The following PRR5L variants were observed in gnomAD, a reference collection of about 807,000 sequenced individuals.
PRR5L encodes proline-rich protein 5-like.
In PRR5L, 21 loss-of-function variants were observed where a neutral mutation model predicts 36.4. The ratio of observed to expected loss-of-function variants is 0.58; its 90% CI spans 0.41 to 0.83. The LOEUF is 0.83. PRR5L is among the 40% of genes least tolerant of loss of function. PRR5L has a pLI of 0.00. For missense variants in PRR5L, 381 were observed against 473.3 expected (o/e 0.80, Z 1.81); for synonymous variants, 188 against 197.0 (o/e 0.95, Z 0.38).
At chr11:36,441,553 G>C (rs1858723066) in intron 6 of PRR5L, among the ~76,000 whole-genome samples, 1 of 152,224 alleles carries the variant, frequency 6.6e-6, no homozygotes. Flanking sequence ...GATTGGAGTT[G>C]AGTGCCTGTG....
At chr11:36,457,100 A>T (rs1348668062) in intron 8 of PRR5L, among the ~76,000 whole-genome samples, 1 of 152,120 alleles carries the variant, frequency 6.6e-6, no homozygotes, top group African/African-American at 2.4e-5. Flanking sequence ...GTGGGCTGGG[A>T]CCTGCGGAAA....
intron 1 of PRR5L, among the ~76,000 whole-genome samples, chr11:36,332,709 A>G (rs983231998): frequency 1.3e-5 from 2 of 152,034 alleles, no homozygotes; most frequent in East Asian, 1.9e-4. Context: ...TTCTCACTCT[A>G]TTAGTTCATG....
At chr11:36,373,887 C>T (rs1398416147) in intron 1 of PRR5L, among the ~76,000 whole-genome samples, 2 of 152,132 alleles carry the variant, frequency 1.3e-5, no homozygotes. Flanking sequence ...ATTTCTATGT[C>T]ATTTGCTGAG....
chr11:36,393,414 C>A (rs936860066), intron 1 of PRR5L, among the ~76,000 whole-genome samples: 1 of 152,188 alleles, frequency 6.6e-6, no homozygotes, highest in Non-Finnish European at 1.5e-5. Flanking sequence ...GTTTTCCCAG[C>A]ACCATTTATT....
In PRR5L at chr11:36,431,838, G is replaced by T. The variant is rs890308946; in HGVS notation, c.295-15G>T. 7 of 1,613,570 alleles carry T rather than the reference G, an allele frequency of 4.3e-6. No individual in the cohort carries two copies. In the African/African-American group the frequency reaches 6.7e-5, roughly 15 times the overall value. Reference sequence around the variant, plus strand: ...AGTTGTCCAAATTCTTATGTTCTTTGTTCTCTTTTGGCAGAACCAGCTTCT... The same window carrying T: ...AGTTGTCCAAATTCTTATGTTCTTTTTTCTCTTTTGGCAGAACCAGCTTCT... On this transcript the variant is annotated splice_polypyrimidine_tract_variant and intron_variant, in intron 4 of 8. Transcript: ENST00000530639.
chr11:36,368,464 G>A (rs1282911633), intron 1 of PRR5L, among the ~76,000 whole-genome samples: 2 of 152,178 alleles, frequency 1.3e-5, no homozygotes, highest in Non-Finnish European at 2.9e-5. Context: ...CAGCAGAAAA[G>A]CAGAGTTCAC....
intron 1 of PRR5L, among the ~76,000 whole-genome samples, chr11:36,393,287 CT>C (rs1857597191): frequency 1.3e-5 from 2 of 152,094 alleles, no homozygotes; most frequent in African/African-American, 4.8e-5. Context: ...TTCCCTAATG[CT>C]TTCTTTTAGT....
Position 36,452,640 on chromosome 11 carries a change from G to GTC in PRR5L, c.712+1308_712+1309dup, listed in dbSNP as rs569257514. On this transcript the variant is annotated intron_variant, in intron 8 of 8. Transcript: ENST00000530639. Reference sequence around the variant, plus strand: ...TGAGCTGGGGTGCCATGTTGCTGCGGTCTCCCTGGAGTCCACCTTCCTGCT... The same window carrying GTC: ...TGAGCTGGGGTGCCATGTTGCTGCGGTCTCTCCCTGGAGTCCACCTTCCTGCT... 7.8e-3 allele frequency among the ~76,000 whole-genome samples: 1,194 copies of GTC among 152,334 alleles called. 6 individuals carry two copies. The highest frequency in any genetic ancestry group is 0.012 in the Non-Finnish European group (834 of 68,028).
chr11:36,311,623 C>T (rs920449193), intron 1 of PRR5L, among the ~76,000 whole-genome samples: 2 of 151,982 alleles, frequency 1.3e-5, no homozygotes, highest in African/African-American at 4.8e-5. Context: ...TTTTTCTGGG[C>T]TGAGGAGAAA....
At chr11:36,430,175 C>T (rs1175934840) in intron 4 of PRR5L, among the ~76,000 whole-genome samples, 2 of 152,018 alleles carry the variant, frequency 1.3e-5, no homozygotes, top group South Asian at 2.1e-4. Context: ...TTTGGGAGGC[C>T]GAGGTGGGCA....
chr11:36,297,896 G>C (rs778197380), intron 1 of PRR5L, among the ~76,000 whole-genome samples: 4 of 152,170 alleles, frequency 2.6e-5, no homozygotes, highest in Non-Finnish European at 4.4e-5. Flanking sequence ...CTGGCAGGGG[G>C]AAGGGGAAAA....
At chr11:36,323,891 A>T (rs2133466270) in intron 1 of PRR5L, among the ~76,000 whole-genome samples, 1 of 152,314 alleles carries the variant, frequency 6.6e-6, no homozygotes, top group South Asian at 2.1e-4. Context: ...GTCTTTTAAA[A>T]AATTGAGCTA....
chr11:36,361,743 T>G (rs1258264186), intron 1 of PRR5L, among the ~76,000 whole-genome samples: 1 of 152,236 alleles, frequency 6.6e-6, no homozygotes, highest in African/African-American at 2.4e-5. Context: ...CTGCAGAATT[T>G]TCCTAAGTGT....
chr11:36,304,616 A>T (rs955524637), intron 1 of PRR5L, among the ~76,000 whole-genome samples: 3 of 152,226 alleles, frequency 2.0e-5, no homozygotes, highest in Non-Finnish European at 4.4e-5. Flanking sequence ...GCTAGTAAAC[A>T]TACAGTTATA....
rs1001104267 is a variant in PRR5L at position 36,463,033 on chromosome 11, G to A, written c.*297G>A. 5 of 319,702 alleles carry A rather than the reference G, an allele frequency of 1.6e-5. No homozygotes were observed. The highest frequency in any genetic ancestry group is 1.1e-4 in the African/African-American group (5 of 47,054). 19.8% of individuals were successfully genotyped at this position (319,702 alleles called of 1,614,324 possible). On this transcript the variant is annotated 3_prime_UTR_variant, in exon 9 of 9. Transcript: ENST00000530639. The stretch of plus-strand genomic sequence containing the variant: ...CTCATCTCTGGGCCTTTCTCCCTCC[G>A]ATGTTGGACTGCCTGATGCTCCCAA...
Position 36,432,983 on chromosome 11 carries a change from T to C in PRR5L, c.352+1073T>C, listed in dbSNP as rs1858532356. ...AGGTTAGAAATTAACCTTTGCACAT[T>C]TGAGAGTTGGCTGAACCTGTAGCCA... On this transcript the variant is annotated intron_variant, in intron 5 of 8. Transcript: ENST00000530639. Among the ~76,000 whole-genome samples, 3 of 152,158 alleles carry C rather than the reference T, an allele frequency of 2.0e-5. No individual in the cohort carries two copies. In the South Asian group the frequency reaches 6.2e-4, roughly 32 times the overall value.
chr11:36,403,478 TTC>T, intron 3 of PRR5L, 100 bp downstream of exon 3: 5 of 823,032 alleles, frequency 6.1e-6, no homozygotes, highest in Non-Finnish European at 9.6e-6. Context: ...TTTTTTTTTT[TTC>T]CTGCTTGATT....
chr11:36,445,835 C>G (rs2133617269), intron 6 of PRR5L, among the ~76,000 whole-genome samples: 1 of 152,270 alleles, frequency 6.6e-6, no homozygotes. Flanking sequence ...TCCTACTTTC[C>G]TATTTATTTT....
intron 3 of PRR5L, among the ~76,000 whole-genome samples, chr11:36,413,422 A>C (rs1257828689): frequency 6.6e-6 from 1 of 152,128 alleles, no homozygotes; most frequent in Non-Finnish European, 1.5e-5. Flanking sequence ...TGCTGCGGTA[A>C]CCTTGGTGGT....
Sources: gnomAD v4.1 joint callset for allele counts (sites outside exome capture counted in the v4.1 genomes callset) on GRCh38, gnomAD v4.1.1 for gene constraint, MANE v1.5 for transcripts, NCBI Gene and HGNC (gene_info 2026-07-23, HGNC 2026-07-21) for gene names.